CNTN5: variants seen among roughly 807,000 people sequenced by gnomAD.
CNTN5 encodes the protein contactin-5.
A neutral mutation model predicts 129.1 loss-of-function variants in CNTN5; 77 were observed. The ratio of observed to expected loss-of-function variants is 0.60; its 90% CI spans 0.50 to 0.72. The LOEUF is 0.72. CNTN5 is among the 30% of genes least tolerant of loss of function. The probability of loss-of-function intolerance (pLI) is 0.00; values close to 1 mark genes in which losing one functional copy is unlikely to be tolerated. For synonymous variants in CNTN5, 509 were observed against 465.6 expected (o/e 1.09, Z -1.20); for missense variants, 1,478 against 1,328.8 (o/e 1.11, Z -1.75).
chr11:99,715,622 A>T lies in CNTN5; in HGVS notation c.56-103922A>T, dbSNP rs79830011. Among the ~76,000 whole-genome samples the T allele has an allele frequency of 1.5e-3, 229 of 152,154 alleles. 1 individual carries two copies. The highest frequency in any genetic ancestry group is 5.2e-3 in the African/African-American group (217 of 41,546). On this transcript the variant is annotated intron_variant, in intron 3 of 24. Transcript: ENST00000524871. Reference sequence around the variant, plus strand: ...GTCTAGGATGATGTTGCAAGGAGTAATAAACAAAAAGAAAGATCAGGAATT... The same window carrying T: ...GTCTAGGATGATGTTGCAAGGAGTATTAAACAAAAAGAAAGATCAGGAATT...
chr11:99,552,793 G>C (rs1340568541), intron 2 of CNTN5, among the ~76,000 whole-genome samples: 3 of 152,126 alleles, frequency 2.0e-5, no homozygotes, highest in Non-Finnish European at 4.4e-5. Flanking sequence ...CCAGCAGTCT[G>C]TAATAGATAT....
At chr11:100,066,508 G>A (rs763132167) in intron 10 of CNTN5, among the ~76,000 whole-genome samples, 1 of 152,066 alleles carries the variant, frequency 6.6e-6, no homozygotes, top group Non-Finnish European at 1.5e-5. Flanking sequence ...CATCTGCTTA[G>A]CATTTTATAA....
intron 2 of CNTN5, among the ~76,000 whole-genome samples, chr11:99,382,844 A>AGTTTTTTTTTTTTT (rs774797660): frequency 1.3e-4 from 9 of 69,344 alleles, no homozygotes; most frequent in Admixed American, 2.2e-4. Context: ...TCTCTAAATA[A>AGTTTTTTTTTTTTT]CTTTTTTTTT....
intron 2 of CNTN5, among the ~76,000 whole-genome samples, chr11:99,445,447 CA>C (rs1433879024): frequency 6.6e-6 from 1 of 152,068 alleles, no homozygotes; most frequent in Non-Finnish European, 1.5e-5. Flanking sequence ...ATTCTCTGTT[CA>C]AATGGCGCCT....
intron 16 of CNTN5, among the ~76,000 whole-genome samples, chr11:100,229,544 A>G (rs1356671096): frequency 6.6e-6 from 1 of 152,234 alleles, no homozygotes; most frequent in African/African-American, 2.4e-5. Context: ...CTCACTAGCA[A>G]GAGAGAAAAG....
intron 3 of CNTN5, among the ~76,000 whole-genome samples, chr11:99,570,132 TA>T (rs11307877): frequency 0.089 from 12,379 of 138,816 alleles, 907 homozygotes; most frequent in East Asian, 0.29. Flanking sequence ...AAGGTTACTT[TA>T]AAAAAAAAAA....
chr11:99,717,091 A>G (rs1955267990), intron 3 of CNTN5, among the ~76,000 whole-genome samples: 1 of 151,988 alleles, frequency 6.6e-6, no homozygotes. Flanking sequence ...GAACCCACAA[A>G]TTGTATATTG....
chr11:99,345,130 C>G (rs994347661), intron 2 of CNTN5, among the ~76,000 whole-genome samples: 5 of 152,002 alleles, frequency 3.3e-5, no homozygotes, highest in Admixed American at 2.0e-4. Flanking sequence ...TTTAGGACTC[C>G]TGTAAAGCAA....
chr11:100,338,900 C>G (rs932820351), intron 21 of CNTN5, among the ~76,000 whole-genome samples: 2 of 151,956 alleles, frequency 1.3e-5, no homozygotes, highest in African/African-American at 2.4e-5. Flanking sequence ...GAAGCAAGCT[C>G]TGTGTGGGGC....
At chr11:99,645,259 C>CA (rs1373283813) in intron 3 of CNTN5, among the ~76,000 whole-genome samples, 3 of 67,916 alleles carry the variant, frequency 4.4e-5, no homozygotes, top group African/African-American at 1.9e-4. Context: ...GGCTCCATCT[C>CA]AACAAAAAAA....
At position 99,058,990 on chromosome 11, in the gene CNTN5, T is replaced by C. The variant is rs901907052; in HGVS notation, c.-210+37720T>C. ...TATATACACATACATACATATATAA[T>C]AATGTATATATAACTTGATTAATAA... On this transcript the variant is annotated intron_variant, in intron 1 of 24. Transcript: ENST00000524871. 1.5e-4 allele frequency among the ~76,000 whole-genome samples: 22 copies of C among 149,598 alleles called. 1 individual carries two copies. Among genetic ancestry groups the C allele is most frequent in the Non-Finnish European group, 2.7e-4 (18 of 67,524 alleles).
chr11:99,777,142 T>C (rs932817620), intron 3 of CNTN5, among the ~76,000 whole-genome samples: 6 of 151,928 alleles, frequency 3.9e-5, no homozygotes, highest in Non-Finnish European at 8.8e-5. Flanking sequence ...TTTATTATGG[T>C]GAATATTACA....
chr11:99,228,679 A>G (rs1469467626), intron 1 of CNTN5, among the ~76,000 whole-genome samples: 3 of 152,036 alleles, frequency 2.0e-5, no homozygotes, highest in African/African-American at 2.4e-5. Flanking sequence ...TTTAAATATT[A>G]TTCTTTTTTT....
chr11:100,198,863 C>T (rs749106309), intron 15 of CNTN5, among the ~76,000 whole-genome samples: 17 of 151,874 alleles, frequency 1.1e-4, no homozygotes, highest in African/African-American at 4.1e-4. Context: ...ATATAAACCC[C>T]TTAGTGCCTT....
chr11:99,563,738 G>C (rs1420959309), intron 3 of CNTN5, among the ~76,000 whole-genome samples: 1 of 152,016 alleles, frequency 6.6e-6, no homozygotes, highest in Non-Finnish European at 1.5e-5. Flanking sequence ...GGAATGACTT[G>C]GTCATGTCTC....
chr11:99,153,048 G>T (rs1860148044), intron 1 of CNTN5, among the ~76,000 whole-genome samples: 1 of 152,112 alleles, frequency 6.6e-6, no homozygotes, highest in African/African-American at 2.4e-5. Flanking sequence ...GAGGTGACCT[G>T]CCCCTTCTCT....
At chr11:100,122,609 A>G (rs563581286) in intron 13 of CNTN5, among the ~76,000 whole-genome samples, 1 of 152,128 alleles carries the variant, frequency 6.6e-6, no homozygotes, top group South Asian at 2.1e-4. Flanking sequence ...AGCAATGTGA[A>G]TGTCTGGGGA....
At chr11:99,768,441 T>C (rs1038496996) in intron 3 of CNTN5, among the ~76,000 whole-genome samples, 12 of 152,112 alleles carry the variant, frequency 7.9e-5, no homozygotes, top group Non-Finnish European at 1.6e-4. Context: ...TCATAGACAG[T>C]CCATATTCAG....
chr11:100,135,180 T>TG (rs907850478), intron 13 of CNTN5, among the ~76,000 whole-genome samples: 2 of 150,164 alleles, frequency 1.3e-5, no homozygotes, highest in Admixed American at 6.6e-5. Context: ...AAAAGTGTTT[T>TG]TTTTTTTTTT....
Sources: gnomAD v4.1 joint callset for allele counts (sites outside exome capture counted in the v4.1 genomes callset) on GRCh38, gnomAD v4.1.1 for gene constraint, MANE v1.5 for transcripts, NCBI Gene and HGNC (gene_info 2026-07-23, HGNC 2026-07-21) for gene names.